MYO9A: variants seen among roughly 807,000 people sequenced by gnomAD.
The protein encoded by MYO9A is unconventional myosin-IXa.
Under a neutral mutation model 293.3 loss-of-function variants are expected in MYO9A, and 103 were observed. That is an observed-to-expected ratio of 0.35 (90% confidence interval 0.30 to 0.41). The LOEUF (loss-of-function observed/expected upper bound fraction) is 0.41. MYO9A is among the 10% of genes least tolerant of loss of function. The pLI is 1.00. For synonymous variants in MYO9A, 1,001 were observed against 1,035.7 expected (o/e 0.97, Z 0.64); for missense variants, 2,685 against 3,033.0 (o/e 0.89, Z 2.69).
At chr15:71,952,154 T>C (rs779624947) in intron 14 of MYO9A, among the ~76,000 whole-genome samples, 17 of 152,166 alleles carry the variant, frequency 1.1e-4, no homozygotes, top group Non-Finnish European at 2.4e-4. Flanking sequence ...GTTAACACCA[T>C]ACTAGAAATT....
intron 18 of MYO9A, among the ~76,000 whole-genome samples, chr15:71,927,461 G>C (rs2058342413): frequency 6.6e-6 from 1 of 152,122 alleles, no homozygotes; most frequent in Non-Finnish European, 1.5e-5. Context: ...TTCCCCGTAT[G>C]TTTTATTCTA....
chr15:72,092,135 A>C (rs2079933817), intron 1 of MYO9A, among the ~76,000 whole-genome samples: 1 of 152,222 alleles, frequency 6.6e-6, no homozygotes, highest in Admixed American at 6.5e-5. Flanking sequence ...TTAGCTACTG[A>C]CAGAAGCCAA....
intron 18 of MYO9A, among the ~76,000 whole-genome samples, chr15:71,924,145 T>C (rs940563341): frequency 6.6e-6 from 1 of 152,122 alleles, no homozygotes; most frequent in African/African-American, 2.4e-5. Context: ...TATTTGCATA[T>C]AGTTTCTAAA....
chr15:71,869,313 G>GA (rs1234358024), intron 32 of MYO9A, among the ~76,000 whole-genome samples: 2 of 152,152 alleles, frequency 1.3e-5, no homozygotes, highest in Admixed American at 6.5e-5. Context: ...ACCACACAAT[G>GA]AAAAATCACA....
At chr15:72,059,539 T>C (rs115468168) in intron 1 of MYO9A, among the ~76,000 whole-genome samples, 1,951 of 152,332 alleles carry the variant, frequency 0.013, 27 homozygotes, top group African/African-American at 0.02. Context: ...TTTTAGCCTA[T>C]TACGTTTTTA....
rs1238038611 is a variant in MYO9A at position 71,825,227 on chromosome 15, A to AATG, written c.*1350_*1352dup. ...TGTATGAAGACCACCCAGTGGTGAA[A>AATG]ATGATGTCTTACTAATTCCCTCAAC... On this transcript the variant is annotated 3_prime_UTR_variant, in exon 42 of 42. Coordinates refer to ENST00000356056, the MANE Select transcript of MYO9A (RefSeq NM_006901.4). 1 of 152,178 alleles carries AATG rather than the reference A, an allele frequency of 6.6e-6. No individual in the cohort carries two copies. The highest frequency in any genetic ancestry group is 2.4e-5 in the African/African-American group (1 of 41,440). 9.4% of individuals were successfully genotyped at this position (152,178 alleles called of 1,614,324 possible).
At chr15:71,931,224 T>C (rs1479908677) in intron 18 of MYO9A, among the ~76,000 whole-genome samples, 1 of 152,208 alleles carries the variant, frequency 6.6e-6, no homozygotes, top group East Asian at 1.9e-4. Flanking sequence ...CTTGAAGAAC[T>C]TTCTTTAGAG....
intron 8 of MYO9A, among the ~76,000 whole-genome samples, chr15:72,000,404 A>C (rs905927268): frequency 1.2e-4 from 18 of 152,310 alleles, no homozygotes; most frequent in Admixed American, 1.2e-3. Context: ...ATTTCTTCTT[A>C]TTCATGAATG....
rs772738734 is a variant in MYO9A at position 71,897,745 on chromosome 15, T to G, written c.4758A>C (p.Gln1586His). 6.2e-7 allele frequency: 1 copy of G among 1,614,122 alleles called. No individual in the cohort carries two copies. Among genetic ancestry groups the G allele is most frequent in the Non-Finnish European group, 8.5e-7 (1 of 1,180,028 alleles). Residue 1586 changes from glutamine to histidine, a missense_variant, in exon 25 of 42, where the codon CAA (glutamine) becomes CAC (histidine). Physicochemically the swap from Gln to His is conservative, Grantham distance 24 (BLOSUM62 0). Transcript: ENST00000356056. The stretch of plus-strand genomic sequence containing the variant: ...GTAAGTGAGCAGAGGAACTGTCTTT[T>G]TGGGCAAGAGCTGCATCTTTTAATG... ...SLSLKDAALAQKDSSSAHLPP... is the reference protein window; with the variant it reads ...SLSLKDAALAHKDSSSAHLPP...
intron 3 of MYO9A, among the ~76,000 whole-genome samples, chr15:72,030,811 G>A (rs1296510956): frequency 2.0e-5 from 3 of 152,060 alleles, no homozygotes; most frequent in African/African-American, 7.2e-5. Context: ...GGGGTGCCTG[G>A]CCTGCGTCTT....
chr15:71,898,463 A>G lies in MYO9A; in HGVS notation c.4040T>C (p.Val1347Ala). Residue 1347 changes from valine (V) to alanine (A), a missense_variant, in exon 25 of 42, where the codon GTC becomes GCC. This residue lies in a region of MYO9A where 1,434 missense variants were observed against 1,497.7 expected (regional missense o/e 0.96). Transcript: ENST00000356056. Reference protein sequence around the residue: ...EESQKSKLESVISDEGDLQFP... With the variant: ...EESQKSKLESAISDEGDLQFP... ...CTGCAAGTCTCCTTCATCTGAAATG[A>G]CAGACTCTAGTTTGCTCTTTTGGCT... 1 of 1,613,956 alleles carries G rather than the reference A, an allele frequency of 6.2e-7. No individual in the cohort carries two copies. The highest frequency in any genetic ancestry group is 8.5e-7 in the Non-Finnish European group (1 of 1,180,002).
rs1354440303 is a variant in MYO9A, at chr15:71,897,876, C to T, written c.4627G>A (p.Val1543Met). Residue 1543 changes from valine to methionine, a missense_variant, in exon 25 of 42, where the codon GTG becomes ATG. Physicochemically the swap from Val to Met is conservative, Grantham distance 21 (BLOSUM62 1). This residue lies in a region of MYO9A where 1,434 missense variants were observed against 1,497.7 expected (regional missense o/e 0.96). Transcript: ENST00000356056. ...IEKPRIGECLVAPSSYQSKQR... is the reference protein window; with the variant it reads ...IEKPRIGECLMAPSSYQSKQR... ...TTTGACTGATAGGAAGATGGTGCCA[C>T]CAAACACTCTCCAATTCTTGGCTTT... 3 of 1,613,978 alleles carry T rather than the reference C, an allele frequency of 1.9e-6. No individual in the cohort carries two copies. The highest frequency in any genetic ancestry group is 2.5e-6 in the Non-Finnish European group (3 of 1,180,022).
intron 32 of MYO9A, among the ~76,000 whole-genome samples, chr15:71,867,261 G>A (rs1053119863): frequency 5.3e-5 from 8 of 151,904 alleles, no homozygotes; most frequent in South Asian, 2.1e-4. Context: ...CATAAAGATC[G>A]CAATTTAAAT....
chr15:72,027,413 T>G (rs1260917717), intron 4 of MYO9A, among the ~76,000 whole-genome samples: 1 of 152,230 alleles, frequency 6.6e-6, no homozygotes, highest in East Asian at 1.9e-4. Flanking sequence ...TTGAAAATTT[T>G]TTTTCTCAAG....
chr15:71,980,777 G>A (rs1254934684), intron 11 of MYO9A, among the ~76,000 whole-genome samples: 2 of 152,184 alleles, frequency 1.3e-5, no homozygotes, highest in East Asian at 3.9e-4. Flanking sequence ...GATCAAGTCT[G>A]CAGTGAGCTA....
intron 37 of MYO9A, among the ~76,000 whole-genome samples, chr15:71,850,787 A>G (rs71207068): frequency 0.17 from 22,503 of 134,518 alleles, 2,190 homozygotes; most frequent in East Asian, 0.36. Flanking sequence ...AAAAAAAAAA[A>G]AAAAAAAAAA....
intron 1 of MYO9A, among the ~76,000 whole-genome samples, chr15:72,101,554 G>C (rs1215152842): frequency 1.5e-5 from 2 of 132,282 alleles, no homozygotes; most frequent in South Asian, 5.0e-4. Context: ...CCCCGTCCGG[G>C]AGGTGAGGGG....
Position 72,027,610 on chromosome 15 carries a change from T to C in MYO9A, c.998+121A>G, listed in dbSNP as rs115923816. 2,443 of 703,666 alleles carry C rather than the reference T, an allele frequency of 3.5e-3. 35 individuals are homozygous for C. The African/African-American group carries it at 0.039, about 11-fold the overall frequency. 43.6% of individuals were successfully genotyped at this position (703,666 alleles called of 1,614,324 possible). ...TTCTGCCCATGACAGAAATAGCAAT[T>C]ATGCATAAAGCTATGCATGACGTAA... is the stretch of plus-strand genomic sequence containing the variant. On this transcript the variant is annotated intron_variant, in intron 4 of 41. Transcript: ENST00000356056.
At chr15:71,964,401 C>T (rs550709408) in intron 13 of MYO9A, among the ~76,000 whole-genome samples, 111 of 152,220 alleles carry the variant, frequency 7.3e-4, no homozygotes, top group African/African-American at 2.5e-3. Context: ...AATCCCAGCA[C>T]TCTGGGAGAC....
Sources: gnomAD v4.1 joint callset for allele counts (sites outside exome capture counted in the v4.1 genomes callset) on GRCh38, gnomAD v4.1.1 for gene constraint, gnomAD v4.1.1 regional missense constraint, MANE v1.5 for transcripts, NCBI Gene and HGNC (gene_info 2026-07-23, HGNC 2026-07-21) for gene names.